Variants in SUGCT observed in about 807,000 individuals in gnomAD.
The protein encoded by SUGCT is succinyl-CoA:glutarate-CoA transferase, also known as succinyl-CoA:glutarate CoA-transferase.
SUGCT carries 41 observed loss-of-function variants against 55.0 expected under a neutral mutation model. That is an observed-to-expected ratio of 0.74 (90% confidence interval 0.58 to 0.97). The LOEUF is 0.97. SUGCT is among the 50% of genes least tolerant of loss of function. SUGCT has a pLI of 0.00. For missense variants in SUGCT, 568 were observed against 547.8 expected, an observed-to-expected ratio of 1.04 and a Z score of -0.37; for synonymous variants, 187 against 200.4, an observed-to-expected ratio of 0.93 and a Z score of 0.56.
chr7:40,419,193 C>T (rs1787171498), intron 9 of SUGCT, among the ~76,000 whole-genome samples: 1 of 152,104 alleles, frequency 6.6e-6, no homozygotes, highest in Non-Finnish European at 1.5e-5. Flanking sequence ...GTAAATGGAT[C>T]TTGTAAATGG....
At chr7:40,295,381 GCCTGACCAGCATGGTGAAAC>G (rs1794064598) in intron 8 of SUGCT, among the ~76,000 whole-genome samples, 1 of 152,098 alleles carries the variant, frequency 6.6e-6, no homozygotes, top group Non-Finnish European at 1.5e-5. Flanking sequence ...TTCGAGACCA[GCCTGACCAGCATGGTGAAAC>G]CCCATCTCTA....
intron 12 of SUGCT, among the ~76,000 whole-genome samples, chr7:40,737,223 AT>A (rs1787209564): frequency 6.6e-6 from 1 of 152,192 alleles, no homozygotes; most frequent in Admixed American, 6.5e-5. Flanking sequence ...CATTCCTTTG[AT>A]AAACACATTT....
At chr7:40,241,083 A>G (rs1789349832) in intron 7 of SUGCT, among the ~76,000 whole-genome samples, 1 of 152,156 alleles carries the variant, frequency 6.6e-6, no homozygotes. Context: ...TGGATTTATT[A>G]CCTTACTTAA....
the SUGCT span, among the ~76,000 whole-genome samples, chr7:40,908,885 T>C: frequency 6.6e-6 from 1 of 152,238 alleles, no homozygotes; most frequent in Non-Finnish European, 1.5e-5. Context: ...GTTCTACATG[T>C]GTACATGCGC....
At chr7:40,522,718 T>G (rs1274349194) in intron 12 of SUGCT, among the ~76,000 whole-genome samples, 1 of 152,088 alleles carries the variant, frequency 6.6e-6, no homozygotes, top group Non-Finnish European at 1.5e-5. Flanking sequence ...TCCTCTTAGT[T>G]TTAACTGTTG....
chr7:40,953,157 A>T, the SUGCT span, among the ~76,000 whole-genome samples: 1 of 151,994 alleles, frequency 6.6e-6, no homozygotes, highest in Non-Finnish European at 1.5e-5. Context: ...ATTTCTTTTT[A>T]TTCTTTTTCC....
At chr7:40,532,853 A>G (rs964503774) in intron 12 of SUGCT, among the ~76,000 whole-genome samples, 1 of 152,200 alleles carries the variant, frequency 6.6e-6, no homozygotes, top group African/African-American at 2.4e-5. Context: ...TATGAATACA[A>G]TATTTTAATT....
chr7:40,871,027 A>G, the SUGCT span, among the ~76,000 whole-genome samples: 1 of 152,194 alleles, frequency 6.6e-6, no homozygotes, highest in Non-Finnish European at 1.5e-5. Flanking sequence ...TAGCCCTGGA[A>G]TTAATCATTT....
At chr7:40,515,974 C>T (rs998899060) in intron 12 of SUGCT, among the ~76,000 whole-genome samples, 3 of 152,190 alleles carry the variant, frequency 2.0e-5, no homozygotes, top group Non-Finnish European at 4.4e-5. Flanking sequence ...ACTTTGCCAA[C>T]ACTTCTTTAT....
chr7:40,860,095 A>G (rs556681402), intron 13 of SUGCT, among the ~76,000 whole-genome samples: 1 of 152,354 alleles, frequency 6.6e-6, no homozygotes, highest in Non-Finnish European at 1.5e-5. Context: ...CTGCATGGTG[A>G]TGAGCGAGTC....
At chr7:40,941,427 G>C in the SUGCT span, among the ~76,000 whole-genome samples, 6 of 151,902 alleles carry the variant, frequency 3.9e-5, no homozygotes, top group Non-Finnish European at 7.4e-5. Context: ...ATTCCACTGT[G>C]GTCTGAGAAG....
At chr7:40,666,774 G>T (rs1801664705) in intron 12 of SUGCT, among the ~76,000 whole-genome samples, 2 of 152,026 alleles carry the variant, frequency 1.3e-5, no homozygotes, top group Admixed American at 6.5e-5. Flanking sequence ...TTACTTGACG[G>T]GTACAACATA....
At chr7:40,428,480 T>C (rs1199866793) in intron 9 of SUGCT, among the ~76,000 whole-genome samples, 1 of 151,830 alleles carries the variant, frequency 6.6e-6, no homozygotes, top group Admixed American at 6.6e-5. Flanking sequence ...CCTTTGTGTT[T>C]AATTTATTTT....
Position 40,423,762 on chromosome 7 carries a change from T to C in SUGCT, c.817-25525T>C, listed in dbSNP as rs980323009. On this transcript the variant is annotated intron_variant, in intron 9 of 13. Transcript: ENST00000335693. Reference sequence around the variant, plus strand: ...TATTGAAAAGGTAATGGAAAATTAATGTTGCAATGGAGAATTTGATTCTGT... The same window carrying C: ...TATTGAAAAGGTAATGGAAAATTAACGTTGCAATGGAGAATTTGATTCTGT... Among the ~76,000 whole-genome samples the C allele has an allele frequency of 1.5e-4, 23 of 152,164 alleles. 1 individual carries two copies. The highest frequency in any genetic ancestry group is 1.0e-4 in the Non-Finnish European group (7 of 68,000).
chr7:40,640,362 C>A (rs1341710489), intron 12 of SUGCT, among the ~76,000 whole-genome samples: 1 of 152,098 alleles, frequency 6.6e-6, no homozygotes, highest in Non-Finnish European at 1.5e-5. Context: ...TTTATTGTAT[C>A]TAATAACTGT....
the SUGCT span, among the ~76,000 whole-genome samples, chr7:40,898,799 T>G: frequency 7.3e-5 from 11 of 151,392 alleles, no homozygotes; most frequent in Admixed American, 2.0e-4. Context: ...GGGGTGGAGG[T>G]GGCAGAGAAC....
In SUGCT at chr7:40,167,321, CAGAA is replaced by C. The variant is rs1483697965; in HGVS notation, c.101-13623_101-13620del. The stretch of plus-strand genomic sequence containing the variant: ...GATAATGAAAATTAAATTATAGTGA[CAGAA>C]AGCAGATCAGTGGATGTCTGAAGCT... On this transcript the variant is annotated intron_variant, in intron 1 of 13. Transcript: ENST00000335693. Among the ~76,000 whole-genome samples the C allele has an allele frequency of 2.6e-5, 4 of 152,096 alleles. No homozygotes were observed. The South Asian group carries it at 6.2e-4, about 24-fold the overall frequency.
intron 6 of SUGCT, among the ~76,000 whole-genome samples, chr7:40,226,587 C>CTTT (rs756344535): frequency 1.4e-5 from 2 of 141,688 alleles, no homozygotes; most frequent in Admixed American, 7.2e-5. Flanking sequence ...AAAACTAACT[C>CTTT]TTTTTTTTTT....
chr7:40,322,177 C>A (rs1383760674), intron 9 of SUGCT, among the ~76,000 whole-genome samples: 1 of 152,078 alleles, frequency 6.6e-6, no homozygotes, highest in African/African-American at 2.4e-5. Context: ...TAACCATATC[C>A]TTTGATTGTT....
Sources: allele counts gnomAD v4.1 joint callset (sites outside exome capture counted in the v4.1 genomes callset), GRCh38; gene constraint gnomAD v4.1.1; transcripts MANE v1.5; gene names NCBI Gene and HGNC (gene_info 2026-07-23, HGNC 2026-07-21).